Variants in GABBR2 observed in about 807,000 individuals in gnomAD.
GABBR2 encodes G-protein coupled receptor 51.
A neutral mutation model predicts 105.6 loss-of-function variants in GABBR2; 23 were observed. The observed-to-expected ratio is 0.22, with a 90% CI of 0.16 to 0.31. The LOEUF (loss-of-function observed/expected upper bound fraction) is 0.31. Among genes scored for constraint, GABBR2 ranks in the 10% least tolerant of loss-of-function variants. GABBR2 has a pLI of 1.00. For missense variants in GABBR2, 734 were observed against 1,245.5 expected, an observed-to-expected ratio of 0.59 and a Z score of 6.18; for synonymous variants, 478 against 499.7, an observed-to-expected ratio of 0.96 and a Z score of 0.58.
In GABBR2 at chr9:98,308,163, G is replaced by A. The variant is rs563394905; in HGVS notation, c.2005-1818C>T. On this transcript the variant is annotated intron_variant, in intron 14 of 18. Coordinates refer to ENST00000259455, the MANE Select transcript of GABBR2 (RefSeq NM_005458.8). ...GCAGGAGAATCGCTTGAACCCAGGAGGCGGAGGTTGCAGTGAGCAGAGATC... is the reference window on the plus strand; with the variant it reads ...GCAGGAGAATCGCTTGAACCCAGGAAGCGGAGGTTGCAGTGAGCAGAGATC... 2.6e-5 allele frequency among the ~76,000 whole-genome samples: 4 copies of A among 152,290 alleles called. No individual in the cohort carries two copies. The South Asian group carries it at 8.3e-4, about 32-fold the overall frequency.
At chr9:98,321,847 G>C (rs1232959587) in intron 13 of GABBR2, among the ~76,000 whole-genome samples, 1 of 152,166 alleles carries the variant, frequency 6.6e-6, no homozygotes, top group East Asian at 1.9e-4. Flanking sequence ...GCCCTTACTT[G>C]CTTCCTTGAT....
chr9:98,550,876 C>T (rs890019693), intron 2 of GABBR2, among the ~76,000 whole-genome samples: 1 of 152,088 alleles, frequency 6.6e-6, no homozygotes, highest in African/African-American at 2.4e-5. Flanking sequence ...AGAGTCTGTT[C>T]ACACGGGGGA....
intron 3 of GABBR2, among the ~76,000 whole-genome samples, chr9:98,537,277 A>C (rs2808569): frequency 0.2 from 30,447 of 152,192 alleles, 3,740 homozygotes; most frequent in East Asian, 0.5. Context: ...GCTAAGTGAA[A>C]GAAGCCAGAC....
intron 7 of GABBR2, among the ~76,000 whole-genome samples, chr9:98,415,931 G>T (rs920173676): frequency 1.3e-5 from 2 of 152,198 alleles, no homozygotes; most frequent in African/African-American, 2.4e-5. Flanking sequence ...ACTGGAGTAA[G>T]TACCACGTGA....
At chr9:98,696,489 T>C (rs1344712319) in intron 1 of GABBR2, among the ~76,000 whole-genome samples, 1 of 152,196 alleles carries the variant, frequency 6.6e-6, no homozygotes, top group Non-Finnish European at 1.5e-5. Context: ...GTGGTCTTAA[T>C]TGTCTTCTGT....
intron 11 of GABBR2, among the ~76,000 whole-genome samples, chr9:98,374,606 C>T (rs534525131): frequency 1.2e-3 from 177 of 152,242 alleles, no homozygotes; most frequent in African/African-American, 3.9e-3. Context: ...CAGACGGTGT[C>T]GACATATCCA....
chr9:98,329,019 G>T (rs952800072), intron 13 of GABBR2, among the ~76,000 whole-genome samples: 1 of 152,210 alleles, frequency 6.6e-6, no homozygotes, highest in Non-Finnish European at 1.5e-5. Context: ...CTGTCTCATA[G>T]GATTGAGGAT....
rs370570195 is a variant in GABBR2, at chr9:98,534,818, G to A, written c.630+7055C>T. ...CAGCCACTTTGGAAGACAGTTTGGC[G>A]TTTTCTTACAACATGAAACATACCC... On this transcript the variant is annotated intron_variant, in intron 3 of 18. Coordinates refer to ENST00000259455, the MANE Select transcript of GABBR2 (RefSeq NM_005458.8). Among the ~76,000 whole-genome samples the A allele has an allele frequency of 2.9e-4, 44 of 152,324 alleles. 1 individual carries two copies. The East Asian group carries it at 7.1e-3, about 25-fold the overall frequency.
At chr9:98,504,499 G>A (rs1037862562) in intron 3 of GABBR2, among the ~76,000 whole-genome samples, 11 of 152,220 alleles carry the variant, frequency 7.2e-5, no homozygotes, top group Non-Finnish European at 1.2e-4. Flanking sequence ...AACCAGGGCT[G>A]CACCACATGC....
At chr9:98,467,443 T>TGGGAGC (rs1826582662) in intron 6 of GABBR2, among the ~76,000 whole-genome samples, 2 of 151,794 alleles carry the variant, frequency 1.3e-5, no homozygotes, top group Admixed American at 6.6e-5. Context: ...GGAATGGGAG[T>TGGGAGC]AGCAAGGAAT....
At position 98,306,459 on chromosome 9, in the gene GABBR2, G is replaced by A. The variant is rs1830552537; in HGVS notation, c.2005-114C>T. ...ACTCAGGAGGTGGGCTGCAGGGAGG[G>A]AGGGTCGGGGGCCTTGCTGTCAGCC... On this transcript the variant is annotated intron_variant, in intron 14 of 18. Coordinates refer to ENST00000259455, the MANE Select transcript of GABBR2 (RefSeq NM_005458.8). This position sits in a 1 kb window ranked among gnomAD's most constrained non-coding sequence, Gnocchi z 5.4. 1 of 564,496 alleles carries A rather than the reference G, an allele frequency of 1.8e-6. No homozygotes were observed. 35.0% of individuals were successfully genotyped at this position (564,496 alleles called of 1,614,324 possible).
At chr9:98,657,343 T>C (rs1453932712) in intron 1 of GABBR2, among the ~76,000 whole-genome samples, 1 of 152,108 alleles carries the variant, frequency 6.6e-6, no homozygotes, top group African/African-American at 2.4e-5. Context: ...AGACTGTACG[T>C]TTTCAAGAAA....
chr9:98,371,500 G>A lies in GABBR2; in HGVS notation c.1734C>T (p.Val578=), dbSNP rs1310705703. ...TTTTCACATTTTTGAAGATGGCGTG[G>A]ACTCTCCAGGTCTTTGCAAACATGG... ...FGAMFAKTWR[V]HAIFKNVKMK... is the part of the protein sequence containing the mutation. Residue 578 remains valine, a synonymous_variant, in exon 12 of 19, where the codon GTC becomes GTT. Transcript: ENST00000259455. 1 of 1,608,280 alleles carries A rather than the reference G, an allele frequency of 6.2e-7. No individual in the cohort carries two copies.
intron 4 of GABBR2, among the ~76,000 whole-genome samples, chr9:98,491,677 G>C (rs1477699565): frequency 1.3e-5 from 2 of 152,124 alleles, no homozygotes; most frequent in Non-Finnish European, 2.9e-5. Flanking sequence ...GTTAACACCA[G>C]GAGTTAAGCA....
intron 1 of GABBR2, among the ~76,000 whole-genome samples, chr9:98,671,181 T>C (rs753442257): frequency 6.6e-6 from 1 of 152,050 alleles, no homozygotes; most frequent in Non-Finnish European, 1.5e-5. Flanking sequence ...TGCCAATCTC[T>C]AAGCAACTAC....
intron 1 of GABBR2, among the ~76,000 whole-genome samples, chr9:98,695,747 C>T (rs533178923): frequency 2.6e-5 from 4 of 152,322 alleles, no homozygotes; most frequent in East Asian, 1.9e-4. Context: ...CCCCATCTCA[C>T]GGACAAGGAC....
At chr9:98,631,998 T>C (rs1162430797) in intron 1 of GABBR2, among the ~76,000 whole-genome samples, 1 of 152,230 alleles carries the variant, frequency 6.6e-6, no homozygotes, top group Non-Finnish European at 1.5e-5. Flanking sequence ...CTCAGCACTT[T>C]CAGCACAAAT....
chr9:98,334,965 T>C (rs1831088116), intron 13 of GABBR2, among the ~76,000 whole-genome samples: 1 of 152,130 alleles, frequency 6.6e-6, no homozygotes, highest in Non-Finnish European at 1.5e-5. Context: ...GTGGTTCCCT[T>C]GTCCTTTTTT....
At chr9:98,529,628 ATT>A (rs1328359464) in intron 3 of GABBR2, among the ~76,000 whole-genome samples, 13 of 152,204 alleles carry the variant, frequency 8.5e-5, no homozygotes, top group African/African-American at 3.1e-4. Context: ...AAAAACAATA[ATT>A]AGTACTTTAA....
Sources: gnomAD v4.1 joint callset for allele counts (sites outside exome capture counted in the v4.1 genomes callset) on GRCh38, gnomAD v4.1.1 for gene constraint, Gnocchi (gnomAD v3.1) non-coding constraint, MANE v1.5 for transcripts, NCBI Gene and HGNC (gene_info 2026-07-23, HGNC 2026-07-21) for gene names.